HMCN2: variants seen among roughly 807,000 people sequenced by gnomAD.
The protein encoded by HMCN2 is hemicentin 2.
HMCN2 carries 325 observed loss-of-function variants against 377.5 expected under a neutral mutation model. That is an observed-to-expected ratio of 0.86 (90% confidence interval 0.79 to 0.94). The LOEUF (loss-of-function observed/expected upper bound fraction) is 0.94, where lower values mean the gene tolerates loss of function less well. Among genes scored for constraint, HMCN2 ranks in the 40% least tolerant of loss-of-function variants. HMCN2 has a pLI of 0.00. For synonymous variants in HMCN2, 2,007 were observed against 2,046.8 expected (o/e 0.98, Z 0.53); for missense variants, 4,543 against 4,725.3 (o/e 0.96, Z 1.13).
intron 74 of HMCN2, 50 bp from the exon 75 acceptor site, chr9:130,398,501 C>CA: frequency 1.9e-6 from 2 of 1,069,880 alleles, no homozygotes. Context: ...AGAGAGCCCC[C>CA]AGCCCCTGTG....
In HMCN2 at chr9:130,289,566, T is replaced by C. The variant is rs870748; in HGVS notation, c.612+3256T>C. On this transcript the variant is annotated intron_variant, in intron 4 of 97. Transcript: ENST00000683500. ...AACCTCTCTGGGCCACACTTTCTTC[T>C]TGTGTGCAGTTGGGTTAACGAGAGC... Among the ~76,000 whole-genome samples, 1,171 of 152,178 alleles carry C rather than the reference T, an allele frequency of 7.7e-3. 6 individuals are homozygous for C. The highest frequency in any genetic ancestry group is 9.8e-3 in the Non-Finnish European group (663 of 67,984).
chr9:130,383,755 G>T (rs1199267489), intron 57 of HMCN2, among the ~76,000 whole-genome samples, 155 bp downstream of exon 57: 2 of 152,196 alleles, frequency 1.3e-5, no homozygotes, highest in Non-Finnish European at 1.5e-5. Flanking sequence ...AGAGCATTTG[G>T]GGGGCCCTGA....
chr9:130,277,989 G>C (rs59209589), intron 1 of HMCN2, among the ~76,000 whole-genome samples: 481 of 13,074 alleles, frequency 0.037, 9 homozygotes, highest in Middle Eastern at 0.12. Context: ...CCACCACCAC[G>C]ATCATCACCA....
chr9:130,352,831 T>A (rs1839806429), intron 30 of HMCN2, 96 bp from the exon 31 acceptor site: 4 of 1,014,022 alleles, frequency 3.9e-6, no homozygotes, highest in Non-Finnish European at 3.9e-6. Context: ...GCCTGTGGTG[T>A]GTCTTGTGGC....
chr9:130,374,364 G>T lies in HMCN2; in HGVS notation c.7439-138G>T, dbSNP rs139763156. 5 of 262,616 alleles carry T rather than the reference G, an allele frequency of 1.9e-5. No homozygotes were observed. The East Asian group carries it at 8.9e-4, about 47-fold the overall frequency. 16.3% of individuals were successfully genotyped at this position (262,616 alleles called of 1,614,324 possible). On this transcript the variant is annotated intron_variant, in intron 48 of 97. Transcript: ENST00000683500. ...AGAGGAAGGGGCACAGGCTGCTGCTGCTTCTTCTTGTGCTTCATGGGCCTC... is the reference window on the plus strand; with the variant it reads ...AGAGGAAGGGGCACAGGCTGCTGCTTCTTCTTCTTGTGCTTCATGGGCCTC...
chr9:130,348,347 T>A (rs377356029), intron 26 of HMCN2, 198 bp from the exon 27 acceptor site: 15 of 712,872 alleles, frequency 2.1e-5, no homozygotes, highest in Non-Finnish European at 2.4e-5. Flanking sequence ...TGGGCACGAC[T>A]GGGGGTGTGT....
At chr9:130,367,941 CAAAAAAAAA>C (rs10565235) in intron 43 of HMCN2, among the ~76,000 whole-genome samples, 1 of 75,504 alleles carries the variant, frequency 1.3e-5, no homozygotes, top group Admixed American at 1.5e-4. Context: ...GACTCTGTCT[CAAAAAAAAA>C]AAAAAAAAAA....
At chr9:130,372,981 C>A (rs4740353) in intron 47 of HMCN2, 57 bp from the exon 48 acceptor site, 1 of 129,552 alleles carries the variant, frequency 7.7e-6, no homozygotes, top group African/African-American at 2.7e-5. Flanking sequence ...GTAGCCTGGG[C>A]GGGCCAGCCC....
chr9:130,273,414 G>T (rs578089887), intron 1 of HMCN2, among the ~76,000 whole-genome samples: 4 of 151,656 alleles, frequency 2.6e-5, no homozygotes, highest in Non-Finnish European at 5.9e-5. Context: ...AATATTTCAC[G>T]TTTTAAGTGT....
At chr9:130,297,014 T>C (rs888383560) in intron 7 of HMCN2, among the ~76,000 whole-genome samples, 11 of 152,170 alleles carry the variant, frequency 7.2e-5, no homozygotes, top group Non-Finnish European at 1.5e-4. Flanking sequence ...CAAGTGACAT[T>C]GTGACATTTA....
At chr9:130,364,939 C>A in intron 41 of HMCN2, 50 bp downstream of exon 41, 1 of 971,840 alleles carries the variant, frequency 1.0e-6, no homozygotes, top group Non-Finnish European at 1.2e-6. Flanking sequence ...GGCCCAAGGG[C>A]AGGGTGGGGC....
intron 22 of HMCN2, among the ~76,000 whole-genome samples, chr9:130,331,403 T>C (rs1838422336): frequency 6.6e-6 from 1 of 152,192 alleles, no homozygotes; most frequent in South Asian, 2.1e-4. Context: ...GTGGGACTTA[T>C]TTTTGAAAAA....
chr9:130,266,284 G>A (rs991879918), intron 1 of HMCN2, 147 bp downstream of exon 1: 28 of 355,856 alleles, frequency 7.9e-5, no homozygotes, highest in Non-Finnish European at 1.5e-4. Context: ...TCCGCGCTGC[G>A]GGTACCCTGG....
At chr9:130,389,429 C>A (rs1042844918) in intron 62 of HMCN2, among the ~76,000 whole-genome samples, 3 of 152,154 alleles carry the variant, frequency 2.0e-5, no homozygotes, top group African/African-American at 7.2e-5. Context: ...CAGGAAACCA[C>A]AAATCTGCTT....
At chr9:130,293,278 A>ATTTTTTTTTTTTTTTTTTTT (rs1554930691) in intron 4 of HMCN2, among the ~76,000 whole-genome samples, 3 of 30,018 alleles carry the variant, frequency 1.0e-4, no homozygotes, top group African/African-American at 2.2e-4. Flanking sequence ...TACTCACTAA[A>ATTTTTTTTTTTTTTTTTTTT]GTTTTTTTTT....
chr9:130,393,850 C>T lies in HMCN2; in HGVS notation c.10343C>T (p.Ser3448Leu), dbSNP rs557966463. 537 of 1,289,594 alleles carry T rather than the reference C, an allele frequency of 4.2e-4. 6 individuals are homozygous for T. In the South Asian group the frequency reaches 6.2e-3, roughly 15 times the overall value. The allele number at this position is 1,289,594 out of a possible 1,614,324, so 79.9% of individuals were successfully genotyped here. ...CGGGGCGTTCCCCTGCCTCTCGTGTCGTGGATGAAGGATGGGGAACCCTTG... is the reference window on the plus strand; with the variant it reads ...CGGGGCGTTCCCCTGCCTCTCGTGTTGTGGATGAAGGATGGGGAACCCTTG... ...EARGVPLPLVSWMKDGEPLLS... is the reference protein window; with the variant it reads ...EARGVPLPLVLWMKDGEPLLS... Residue 3448 changes from serine to leucine, a missense_variant, in exon 68 of 98, where the codon TCG becomes TTG. Physicochemically the swap from Ser to Leu is moderately radical, Grantham distance 145. Around this residue, in one of 5 missense-constraint regions of HMCN2, gnomAD observed 1,073 missense variants for 1,319.5 expected, o/e 0.81. Coordinates refer to ENST00000683500, the MANE Select transcript of HMCN2 (RefSeq NM_001291815.2). This position sits in a 1 kb window ranked among gnomAD's most constrained non-coding sequence, Gnocchi z 5.2.
intron 22 of HMCN2, among the ~76,000 whole-genome samples, chr9:130,333,432 C>G (rs1053758438): frequency 3.3e-5 from 5 of 152,328 alleles, no homozygotes; most frequent in East Asian, 3.9e-4. Flanking sequence ...CCTCTGCCCC[C>G]TGGGCCCCTC....
chr9:130,292,649 T>C (rs1835850052), intron 4 of HMCN2, among the ~76,000 whole-genome samples: 1 of 152,266 alleles, frequency 6.6e-6, no homozygotes, highest in Admixed American at 6.5e-5. Context: ...TTATTCAATG[T>C]GTTTCAATTG....
At chr9:130,333,506 T>A (rs1838539581) in intron 22 of HMCN2, among the ~76,000 whole-genome samples, 1 of 152,210 alleles carries the variant, frequency 6.6e-6, no homozygotes, top group Non-Finnish European at 1.5e-5. Context: ...GCCAGATGGA[T>A]GTCATAAACA....
Sources: gnomAD v4.1 joint callset for allele counts (sites outside exome capture counted in the v4.1 genomes callset) on GRCh38, gnomAD v4.1.1 for gene constraint, gnomAD v4.1.1 regional missense constraint, Gnocchi (gnomAD v3.1) non-coding constraint, MANE v1.5 for transcripts, NCBI Gene and HGNC (gene_info 2026-07-23, HGNC 2026-07-21) for gene names.